CPA6: variants seen among roughly 807,000 people sequenced by gnomAD.
The protein encoded by CPA6 is carboxypeptidase B.
CPA6 carries 58 observed loss-of-function variants against 63.3 expected under a neutral mutation model. The ratio of observed to expected loss-of-function variants is 0.92; its 90% CI spans 0.74 to 1.14. The LOEUF is 1.14. Among genes scored for constraint, CPA6 ranks in the 50% most tolerant of loss-of-function variants. CPA6 has a pLI of 0.00. For synonymous variants in CPA6, 185 were observed against 179.0 expected (o/e 1.03, Z -0.27); for missense variants, 565 against 526.6 (o/e 1.07, Z -0.71).
chr8:67,642,432 C>T (rs1308770231), intron 1 of CPA6, among the ~76,000 whole-genome samples: 1 of 152,082 alleles, frequency 6.6e-6, no homozygotes, highest in African/African-American at 2.4e-5. Flanking sequence ...TCAAATTTAT[C>T]TATAGATTCT....
chr8:67,518,482 G>C (rs1166547801), intron 2 of CPA6, among the ~76,000 whole-genome samples: 4 of 149,258 alleles, frequency 2.7e-5, no homozygotes, highest in Non-Finnish European at 3.0e-5. Flanking sequence ...CTCATTCTTG[G>C]TCTTTTTTTT....
chr8:67,650,179 A>G lies in CPA6; in HGVS notation c.117-25928T>C, dbSNP rs994920731. Among the ~76,000 whole-genome samples, 5 of 152,124 alleles carry G rather than the reference A, an allele frequency of 3.3e-5. No homozygotes were observed. In the South Asian group the frequency reaches 6.2e-4, roughly 19 times the overall value. On this transcript the variant is annotated intron_variant, in intron 1 of 10. Coordinates refer to ENST00000297770, the MANE Select transcript of CPA6 (RefSeq NM_020361.5). The stretch of plus-strand genomic sequence containing the variant: ...GTGAGACTGCTGGCTGTATAAATGT[A>G]ACCAGTTCTGGAACAATTTCTTCAA...
At chr8:67,621,756 C>T (rs913479681) in intron 2 of CPA6, among the ~76,000 whole-genome samples, 1 of 152,174 alleles carries the variant, frequency 6.6e-6, no homozygotes, top group African/African-American at 2.4e-5. Flanking sequence ...ACTCTGCTCC[C>T]TTCTTTCTCA....
intron 1 of CPA6, among the ~76,000 whole-genome samples, chr8:67,627,586 C>T (rs912771548): frequency 1.1e-4 from 16 of 152,164 alleles, no homozygotes; most frequent in African/African-American, 3.9e-4. Flanking sequence ...TGCTCTTATG[C>T]ACATATATTT....
At chr8:67,520,245 C>A (rs1812232613) in intron 2 of CPA6, among the ~76,000 whole-genome samples, 1 of 152,072 alleles carries the variant, frequency 6.6e-6, no homozygotes, top group African/African-American at 2.4e-5. Flanking sequence ...GTGCTATTTT[C>A]TGGGGTACAT....
intron 1 of CPA6, among the ~76,000 whole-genome samples, chr8:67,691,919 A>G (rs775261841): frequency 9.9e-5 from 15 of 152,222 alleles, no homozygotes; most frequent in Non-Finnish European, 1.8e-4. Flanking sequence ...TTTAATTCCA[A>G]CCCAGATCCT....
At chr8:67,535,133 G>T (rs1479505546) in intron 2 of CPA6, among the ~76,000 whole-genome samples, 4 of 150,488 alleles carry the variant, frequency 2.7e-5, no homozygotes, top group Admixed American at 2.0e-4. Flanking sequence ...TGGGTTGGTT[G>T]GGTTGCTATT....
In CPA6 at chr8:67,478,834, C is replaced by T. The variant is rs931982595; in HGVS notation, c.838+4934G>A. 1.2e-4 allele frequency among the ~76,000 whole-genome samples: 18 copies of T among 152,048 alleles called. No homozygotes were observed. The East Asian group carries it at 1.9e-3, about 16-fold the overall frequency. On this transcript the variant is annotated intron_variant, in intron 8 of 10. Transcript: ENST00000297770. ...GGTGGATCACTTGAGCTTAGGAGTTCGAGACCAGCCTGGCCAACATCTCTA... is the reference window on the plus strand; with the variant it reads ...GGTGGATCACTTGAGCTTAGGAGTTTGAGACCAGCCTGGCCAACATCTCTA...
At chr8:67,561,293 T>A (rs10808754) in intron 2 of CPA6, among the ~76,000 whole-genome samples, 1 of 151,954 alleles carries the variant, frequency 6.6e-6, no homozygotes. Flanking sequence ...AGTACCTCCC[T>A]ATAAAGCACT....
At chr8:67,711,720 C>CAT (rs1554537430) in intron 1 of CPA6, among the ~76,000 whole-genome samples, 3,257 of 151,140 alleles carry the variant, frequency 0.022, 143 homozygotes, top group African/African-American at 0.075. Flanking sequence ...CACACACACA[C>CAT]ACATCTGAAA....
At chr8:67,492,698 G>A (rs58922684) in intron 6 of CPA6, among the ~76,000 whole-genome samples, 2,807 of 152,164 alleles carry the variant, frequency 0.018, 92 homozygotes, top group African/African-American at 0.063. Context: ...AGCTTGCGTC[G>A]CCACTTTTAT....
At chr8:67,560,080 C>T (rs1297648517) in intron 2 of CPA6, among the ~76,000 whole-genome samples, 4 of 151,298 alleles carry the variant, frequency 2.6e-5, no homozygotes, top group African/African-American at 7.3e-5. Context: ...TTATTGTTTA[C>T]ATCACCTACT....
intron 2 of CPA6, among the ~76,000 whole-genome samples, chr8:67,560,444 T>C (rs916239622): frequency 2.6e-4 from 40 of 152,136 alleles, no homozygotes; most frequent in Non-Finnish European, 1.8e-4. Context: ...TTAACAGTCT[T>C]CTGCAAGTCC....
At chr8:67,719,711 A>T (rs1327464172) in intron 1 of CPA6, among the ~76,000 whole-genome samples, 1 of 152,152 alleles carries the variant, frequency 6.6e-6, no homozygotes, top group African/African-American at 2.4e-5. Flanking sequence ...GCATGAGAGA[A>T]ATGAAGCCCT....
chr8:67,434,230 A>G lies in CPA6; in HGVS notation c.849T>C (p.Ala283=). Residue 283 remains alanine, a synonymous_variant, in exon 9 of 11, where the codon GCT becomes GCC. Coordinates refer to ENST00000297770, the MANE Select transcript of CPA6 (RefSeq NM_020361.5). The part of the protein sequence containing the change: ...NWKVKWCDEG[A]SMHPCDDTYC... Reference sequence around the variant, plus strand: ...ATGTGTCATCACAAGGGTGCATAGAAGCTCCTTCATCTGCAAGTCAGAAAA... The same window carrying G: ...ATGTGTCATCACAAGGGTGCATAGAGGCTCCTTCATCTGCAAGTCAGAAAA... The G allele has an allele frequency of 6.2e-7, 1 of 1,613,790 alleles. No homozygotes were observed. The highest frequency in any genetic ancestry group is 8.5e-7 in the Non-Finnish European group (1 of 1,179,782).
chr8:67,670,749 C>T (rs1816326104), intron 1 of CPA6, among the ~76,000 whole-genome samples: 1 of 152,140 alleles, frequency 6.6e-6, no homozygotes, highest in East Asian at 1.9e-4. Flanking sequence ...AAATCAACAT[C>T]AAGTACATGT....
Position 67,446,430 on chromosome 8 carries a change from AT to A in CPA6, c.839-12191del, listed in dbSNP as rs563142999. 4.6e-5 allele frequency among the ~76,000 whole-genome samples: 7 copies of A among 152,066 alleles called. No homozygotes were observed. In the East Asian group the frequency reaches 1.2e-3, roughly 25 times the overall value. On this transcript the variant is annotated intron_variant, in intron 8 of 10. Transcript: ENST00000297770. ...ATGAGTCATCATGCCTAGCCTAATT[AT>A]TTTTTTCAATGTTTTATTTCTGTCA...
intron 8 of CPA6, among the ~76,000 whole-genome samples, chr8:67,479,797 C>A (rs540436154): frequency 6.6e-6 from 1 of 152,268 alleles, no homozygotes; most frequent in South Asian, 2.1e-4. Context: ...GTATAGCTCT[C>A]TCCAAACAAA....
intron 2 of CPA6, among the ~76,000 whole-genome samples, chr8:67,568,438 A>C (rs564308918): frequency 1.1e-4 from 16 of 152,328 alleles, no homozygotes; most frequent in East Asian, 5.8e-4. Context: ...TACACAAACA[A>C]CACCAGAAAT....
Sources: allele counts gnomAD v4.1 joint callset (sites outside exome capture counted in the v4.1 genomes callset), GRCh38; gene constraint gnomAD v4.1.1; transcripts MANE v1.5; gene names NCBI Gene and HGNC (gene_info 2026-07-23, HGNC 2026-07-21).